DMTF1: variants seen among roughly 807,000 people sequenced by gnomAD.
DMTF1 encodes cyclin D binding myb like transcription factor 1.
In DMTF1, 39 loss-of-function variants were observed where a neutral mutation model predicts 91.1. That is an observed-to-expected ratio of 0.43 (90% CI 0.33 to 0.56). DMTF1 has a LOEUF of 0.56. Ranked by LOEUF, DMTF1 falls within the 20% of genes least tolerant of loss-of-function variation. The pLI, the probability that DMTF1 is intolerant of heterozygous loss-of-function variation, is 0.05. For synonymous variants in DMTF1, 338 were observed against 309.5 expected (o/e 1.09, Z -0.97); for missense variants, 750 against 914.5 (o/e 0.82, Z 2.32).
In DMTF1 at chr7:87,195,652, TGTG is replaced by T. The variant is rs1016735984; in HGVS notation, c.*518_*520del. The T allele has an allele frequency of 4.6e-5, 7 of 152,778 alleles. No homozygotes were observed. The highest frequency in any genetic ancestry group is 1.9e-4 in the East Asian group (1 of 5,184). The allele number at this position is 152,778 out of a possible 1,614,324, so 9.5% of individuals were successfully genotyped here. ...AGTATAGAGACCTAGGAGGTGGTCT[TGTG>T]GTGGTACATTTGGTTAACCCATTGC... On this transcript the variant is annotated 3_prime_UTR_variant, in exon 18 of 18. Transcript: ENST00000331242.
At chr7:87,186,013 C>T (rs752546249) in intron 12 of DMTF1, 33 bp downstream of exon 12, 2 of 1,611,358 alleles carry the variant, frequency 1.2e-6, no homozygotes, top group Non-Finnish European at 1.7e-6. Flanking sequence ...AGCTCCTCCC[C>T]TTTTCTTACC....
At chr7:87,166,122 A>G (rs71562743) in intron 3 of DMTF1, among the ~76,000 whole-genome samples, 2 of 152,204 alleles carry the variant, frequency 1.3e-5, no homozygotes, top group African/African-American at 2.4e-5. Flanking sequence ...GCCGCATTTC[A>G]TATACCTGTG....
intron 2 of DMTF1, among the ~76,000 whole-genome samples, chr7:87,164,715 C>T (rs551612056): frequency 6.6e-6 from 1 of 152,250 alleles, no homozygotes; most frequent in South Asian, 2.1e-4. Flanking sequence ...TAAAATTTAT[C>T]AGAGCAAACA....
intron 7 of DMTF1, 67 bp from the exon 8 acceptor site, chr7:87,179,477 TA>T (rs1796909140): frequency 7.7e-7 from 1 of 1,301,986 alleles, no homozygotes; most frequent in Admixed American, 3.6e-5. Context: ...AAACAAATTT[TA>T]AAAGCATAGT....
chr7:87,177,190 T>G (rs1459891770), intron 7 of DMTF1, among the ~76,000 whole-genome samples: 1 of 152,216 alleles, frequency 6.6e-6, no homozygotes, highest in Non-Finnish European at 1.5e-5. Flanking sequence ...TCTCTGGATA[T>G]TCTGTAACTC....
At chr7:87,188,982 T>C (rs1301611917) in intron 13 of DMTF1, among the ~76,000 whole-genome samples, 1 of 152,210 alleles carries the variant, frequency 6.6e-6, no homozygotes, top group East Asian at 1.9e-4. Flanking sequence ...GGTCTACATA[T>C]GCTACCTGCA....
At chr7:87,164,591 G>GCTGTCC (rs1399375793) in intron 2 of DMTF1, among the ~76,000 whole-genome samples, 1 of 152,180 alleles carries the variant, frequency 6.6e-6, no homozygotes, top group East Asian at 1.9e-4. Flanking sequence ...TACCTACAAA[G>GCTGTCC]CTGTCCATAA....
chr7:87,174,720 C>A, intron 7 of DMTF1, 51 bp downstream of exon 7: 2 of 1,260,060 alleles, frequency 1.6e-6, no homozygotes, highest in Non-Finnish European at 1.1e-6. Flanking sequence ...TTGCCAATTG[C>A]AAAAATATCA....
chr7:87,191,779 G>C (rs1260440784), intron 14 of DMTF1, among the ~76,000 whole-genome samples: 3 of 152,158 alleles, frequency 2.0e-5, no homozygotes, highest in Admixed American at 2.0e-4. Context: ...CAGCTGAAGT[G>C]TAGGTTGAAA....
intron 8 of DMTF1, 103 bp from the exon 9 acceptor site, chr7:87,181,206 A>G (rs1443170793): frequency 1.6e-6 from 1 of 609,696 alleles, no homozygotes; most frequent in Non-Finnish European, 3.0e-6. Context: ...TTATATGCTA[A>G]GTGACTTAAC....
intron 12 of DMTF1, 157 bp from the exon 13 acceptor site, chr7:87,187,935 G>GT (rs1291046884): frequency 5.0e-6 from 3 of 600,476 alleles, no homozygotes; most frequent in African/African-American, 1.9e-5. Flanking sequence ...AGGATATGTT[G>GT]TTTTTTAAAA....
intron 16 of DMTF1, 36 bp downstream of exon 16, chr7:87,194,138 T>C: frequency 6.6e-7 from 1 of 1,519,048 alleles, no homozygotes; most frequent in Non-Finnish European, 8.8e-7. Context: ...AATGGATTCT[T>C]GCCTTGAGCC....
chr7:87,174,734 C>T (rs1178356149), intron 7 of DMTF1, 65 bp downstream of exon 7: 1 of 1,155,216 alleles, frequency 8.7e-7, no homozygotes. Flanking sequence ...AATATCAACA[C>T]AGAATGTTGT....
intron 7 of DMTF1, among the ~76,000 whole-genome samples, chr7:87,177,421 T>G (rs533854826): frequency 1.3e-5 from 2 of 152,286 alleles, no homozygotes; most frequent in East Asian, 3.9e-4. Flanking sequence ...AATTCCTGTT[T>G]GTGTCTTTCA....
Position 87,173,517 on chromosome 7 carries a change from T to C in DMTF1, c.328-18T>C, listed in dbSNP as rs752744339. The C allele has an allele frequency of 1.2e-5, 19 of 1,545,812 alleles. No homozygotes were observed. The East Asian group carries it at 4.1e-4, about 33-fold the overall frequency. ...TGTTTTGTTTTGTTTTGTTTTGTTT[T>C]ACTTTTACCTTTTCAAGATTTTGCA... On this transcript the variant is annotated intron_variant, in intron 5 of 17. Coordinates refer to ENST00000331242, the MANE Select transcript of DMTF1 (RefSeq NM_001142327.2).
intron 13 of DMTF1, among the ~76,000 whole-genome samples, chr7:87,189,721 G>C (rs963535141): frequency 6.6e-6 from 1 of 152,094 alleles, no homozygotes; most frequent in African/African-American, 2.4e-5. Flanking sequence ...GAGCCAGATA[G>C]TAAATATTTT....
Position 87,195,355 on chromosome 7 carries a change from C to T in DMTF1, c.*215C>T. 1 of 409,528 alleles carries T rather than the reference C, an allele frequency of 2.4e-6. No homozygotes were observed. Among genetic ancestry groups the T allele is most frequent in the East Asian group, 3.9e-5 (1 of 25,722 alleles). The allele number at this position is 409,528 out of a possible 1,614,324, so 25.4% of individuals were successfully genotyped here. ...ATGACAGTATGTAGTTGAGTGGAGG[C>T]TGGGAGTTTTAAGCATAAATCCCTG... On this transcript the variant is annotated 3_prime_UTR_variant, in exon 18 of 18. Coordinates refer to ENST00000331242, the MANE Select transcript of DMTF1 (RefSeq NM_001142327.2).
intron 7 of DMTF1, among the ~76,000 whole-genome samples, chr7:87,175,210 G>A (rs1379208093): frequency 6.6e-6 from 1 of 151,554 alleles, no homozygotes; most frequent in Admixed American, 6.6e-5. Context: ...TAGTAGAGAC[G>A]GGGTTTCACC....
At chr7:87,173,328 T>G (rs1310390865) in intron 5 of DMTF1, among the ~76,000 whole-genome samples, 1 of 152,182 alleles carries the variant, frequency 6.6e-6, no homozygotes, top group Admixed American at 6.6e-5. Flanking sequence ...AATTTTGTTT[T>G]CATACTGCCA....
Sources: gnomAD v4.1 joint callset for allele counts (sites outside exome capture counted in the v4.1 genomes callset) on GRCh38, gnomAD v4.1.1 for gene constraint, MANE v1.5 for transcripts, NCBI Gene and HGNC (gene_info 2026-07-23, HGNC 2026-07-21) for gene names.